The following UPF1 variants were observed in gnomAD, a reference collection of about 807,000 sequenced individuals.
UPF1 encodes the protein UPF1 RNA helicase and ATPase.
Under a neutral mutation model 129.2 loss-of-function variants are expected in UPF1, and 9 were observed. The observed-to-expected ratio is 0.07, with a 90% CI of 0.04 to 0.12. UPF1 has a LOEUF of 0.12. Among genes scored for constraint, UPF1 ranks in the 10% least tolerant of loss-of-function variants. The pLI is 1.00. For synonymous variants in UPF1, 649 were observed against 644.9 expected (o/e 1.01, Z -0.10); for missense variants, 788 against 1,525.3 (o/e 0.52, Z 8.05).
In UPF1 at chr19:18,851,996, A is replaced by G. The variant is rs1233106167; in HGVS notation, c.811-139A>G. ...TTCTCCTTGCAGGTGGGGCTGCGCC[A>G]GAACCCCTCCATGCCACCCACCGTG... is the stretch of plus-strand genomic sequence containing the variant. On this transcript the variant is annotated intron_variant, in intron 5 of 23. Transcript: ENST00000262803. The surrounding 1 kb of genome is among the most constrained non-coding windows in gnomAD (Gnocchi z 4.2). The G allele has an allele frequency of 1.6e-6, 2 of 1,281,008 alleles. No homozygotes were observed. Among genetic ancestry groups the G allele is most frequent in the Admixed American group, 6.5e-5 (2 of 30,700 alleles). The allele number at this position is 1,281,008 out of a possible 1,614,324, so 79.4% of individuals were successfully genotyped here.
Position 18,856,101 on chromosome 19 carries a change from G to A in UPF1, c.1709+12G>A, listed in dbSNP as rs746674245. ...AGGAACATGGACAGGTGTGTGTCGA[G>A]TCCATCCCTCCCAGTTGGTCCCTGA... On this transcript the variant is annotated intron_variant, in intron 12 of 23. Transcript: ENST00000262803. 1.6e-5 allele frequency: 26 copies of A among 1,611,386 alleles called. No homozygotes were observed. Among genetic ancestry groups the A allele is most frequent in the Non-Finnish European group, 2.0e-5 (24 of 1,178,024 alleles).
intron 3 of UPF1, chr19:18,848,516 G>A (rs2055623918): frequency 6.6e-6 from 1 of 152,270 alleles, no homozygotes; most frequent in African/African-American, 2.4e-5. Context: ...ATGGAGCAGA[G>A]CCTGGGAGGC....
chr19:18,857,235 C>T, intron 14 of UPF1, 85 bp from the exon 15 acceptor site: 1 of 1,514,772 alleles, frequency 6.6e-7, no homozygotes, highest in Non-Finnish European at 8.9e-7. Context: ...CCTGTGCATC[C>T]TGGGGCCCCT....
At chr19:18,857,590 G>A (rs1211114417) in intron 15 of UPF1, 57 bp downstream of exon 15, 13 of 1,498,732 alleles carry the variant, frequency 8.7e-6, no homozygotes, top group Middle Eastern at 1.8e-4. Flanking sequence ...TCAAGGGAAT[G>A]TGGACTGGGG....
Position 18,860,861 on chromosome 19 carries a change from A to G in UPF1, c.2336A>G (p.Lys779Arg). Reference sequence around the variant, plus strand: ...GCGAACGTGGAGAAGATCACCACGAAGTTGCTGAAGGCAGGCGCCAAGCCG... The same window carrying G: ...GCGAACGTGGAGAAGATCACCACGAGGTTGCTGAAGGCAGGCGCCAAGCCG... The part of the protein sequence containing the change: ...EAANVEKITT[K>R]LLKAGAKPDQ... The change falls in exon 17 of 24, where the codon AAG becomes AGG. Residue 779 changes from lysine (K) to arginine (R), a missense_variant. Around this residue, in one of 6 missense-constraint regions of UPF1, gnomAD observed 140 missense variants for 385.9 expected, o/e 0.36. Transcript: ENST00000262803. The G allele has an allele frequency of 1.2e-6, 2 of 1,612,064 alleles. No individual in the cohort carries two copies. Among genetic ancestry groups the G allele is most frequent in the Non-Finnish European group, 1.7e-6 (2 of 1,179,410 alleles).
chr19:18,846,261 T>G, intron 2 of UPF1, 142 bp downstream of exon 2: 1 of 1,290,614 alleles, frequency 7.7e-7, no homozygotes, highest in Non-Finnish European at 1.0e-6. Context: ...AGTAAGGAAA[T>G]TGCTCAGGCC....
rs181623744 is a variant in UPF1 at position 18,845,967 on chromosome 19, C to T, written c.232-13C>T. On this transcript the variant is annotated splice_polypyrimidine_tract_variant and intron_variant, in intron 1 of 23. Coordinates refer to ENST00000262803, the MANE Select transcript of UPF1 (RefSeq NM_002911.4). ...CTGCAGCCTCACTCAGGTGACACTG[C>T]GTTCTGCTGCAGGTTGGGCCCGAAG... 112 of 1,613,242 alleles carry T rather than the reference C, an allele frequency of 6.9e-5. 1 individual carries two copies. The highest frequency in any genetic ancestry group is 3.1e-4 in the African/African-American group (23 of 75,048).
chr19:18,845,591 G>GA, intron 1 of UPF1, among the ~76,000 whole-genome samples: 1 of 152,264 alleles, frequency 6.6e-6, no homozygotes, highest in Non-Finnish European at 1.5e-5. Flanking sequence ...TGTTTGATGA[G>GA]CCTTACACTG....
At position 18,865,143 on chromosome 19, in the gene UPF1, A is replaced by C; in HGVS notation, c.2858-146A>C. 7.7e-6 allele frequency: 8 copies of C among 1,045,716 alleles called. No individual in the cohort carries two copies. The highest frequency in any genetic ancestry group is 1.1e-5 in the Non-Finnish European group (8 of 735,636). The allele number at this position is 1,045,716 out of a possible 1,614,324, so 64.8% of individuals were successfully genotyped here. A position where few individuals can be genotyped will look rare whatever the true frequency, so the allele number is the denominator to read the frequency against. Reference sequence around the variant, plus strand: ...CCCCAGGCAGGCTGCTGTAGTTAACATGGAGTCCTGCGAATCCGCATCTTC... The same window carrying C: ...CCCCAGGCAGGCTGCTGTAGTTAACCTGGAGTCCTGCGAATCCGCATCTTC... On this transcript the variant is annotated intron_variant, in intron 20 of 23. Transcript: ENST00000262803. The surrounding 1 kb of genome is among the most constrained non-coding windows in gnomAD (Gnocchi z 6.1).
In UPF1 at chr19:18,865,125, C is replaced by G. The variant is rs2055827699; in HGVS notation, c.2858-164C>G. On this transcript the variant is annotated intron_variant, in intron 20 of 23. Coordinates refer to ENST00000262803, the MANE Select transcript of UPF1 (RefSeq NM_002911.4). The surrounding 1 kb of genome is among the most constrained non-coding windows in gnomAD (Gnocchi z 6.1). Reference sequence around the variant, plus strand: ...GCCTGCCCAAGCACCCAGCCCCAGGCAGGCTGCTGTAGTTAACATGGAGTC... The same window carrying G: ...GCCTGCCCAAGCACCCAGCCCCAGGGAGGCTGCTGTAGTTAACATGGAGTC... Among the ~76,000 whole-genome samples the G allele has an allele frequency of 1.3e-5, 2 of 152,242 alleles. No individual in the cohort carries two copies. Among genetic ancestry groups the G allele is most frequent in the South Asian group, 2.1e-4 (1 of 4,834 alleles).
At position 18,865,273 on chromosome 19, in the gene UPF1, C is replaced by T. The variant is rs1378324136; in HGVS notation, c.2858-16C>T. On this transcript the variant is annotated splice_polypyrimidine_tract_variant and intron_variant, in intron 20 of 23. Coordinates refer to ENST00000262803, the MANE Select transcript of UPF1 (RefSeq NM_002911.4). The surrounding 1 kb of genome is among the most constrained non-coding windows in gnomAD (Gnocchi z 6.1). ...CGAGGCAGGTGACACCTGCCGTGTT[C>T]CACTGTGATTTGCAGGCCGGCCTTC... 4.4e-6 allele frequency: 7 copies of T among 1,594,612 alleles called. No homozygotes were observed. The highest frequency in any genetic ancestry group is 6.0e-6 in the Non-Finnish European group (7 of 1,165,188).
chr19:18,843,038 C>T (rs190807855), intron 1 of UPF1, among the ~76,000 whole-genome samples: 21 of 152,254 alleles, frequency 1.4e-4, no homozygotes, highest in Non-Finnish European at 2.6e-4. Context: ...CTTGCCCAGG[C>T]TATTCTCAAA....
In UPF1 at chr19:18,852,951, G is replaced by T. The variant is rs200855069; in HGVS notation, c.973-36G>T. The T allele has an allele frequency of 5.0e-6, 8 of 1,584,186 alleles. No individual in the cohort carries two copies. The Admixed American group carries it at 8.4e-5, about 17-fold the overall frequency. On this transcript the variant is annotated intron_variant, in intron 6 of 23. Coordinates refer to ENST00000262803, the MANE Select transcript of UPF1 (RefSeq NM_002911.4). Reference sequence around the variant, plus strand: ...GGAGGCCAGGCCCGGGCCTGTGCTGGAGGCTAACCGGGGCTCTTGTTTTTC... The same window carrying T: ...GGAGGCCAGGCCCGGGCCTGTGCTGTAGGCTAACCGGGGCTCTTGTTTTTC...
Position 18,832,414 on chromosome 19 carries a change from G to A in UPF1, c.205G>A (p.Ala69Thr). The change falls in exon 1 of 24, where the codon GCT (alanine) becomes ACT (threonine). Residue 69 changes from alanine to threonine, a missense_variant. By Grantham distance (58) the Ala-to-Thr change is moderately conservative (BLOSUM62 0). Coordinates refer to ENST00000262803, the MANE Select transcript of UPF1 (RefSeq NM_002911.4). This position sits in a 1 kb window ranked among gnomAD's most constrained non-coding sequence, Gnocchi z 5.6. ...AGGCCCGGGCGGCGCGGGCGCGGGC[G>A]CTGCGGCGGGACAGCTCGACGCGCA... ...AGGPGGAGAG[A>T]AAGQLDAQVG... 3 of 998,618 alleles carry A rather than the reference G, an allele frequency of 3.0e-6. No individual in the cohort carries two copies. The highest frequency in any genetic ancestry group is 3.6e-6 in the Non-Finnish European group (3 of 839,534). 61.9% of individuals were successfully genotyped at this position (998,618 alleles called of 1,614,324 possible).
At chr19:18,860,574 A>G (rs1161877509) in intron 16 of UPF1, 136 bp downstream of exon 16, 4 of 976,192 alleles carry the variant, frequency 4.1e-6, no homozygotes, top group Non-Finnish European at 6.2e-6. Context: ...TTTAGACTCT[A>G]AACCGTGTTG....
chr19:18,856,341 C>T lies in UPF1; in HGVS notation c.1824+41C>T, dbSNP rs917209312. 3 of 1,550,466 alleles carry T rather than the reference C, an allele frequency of 1.9e-6. No individual in the cohort carries two copies. The Admixed American group carries it at 5.6e-5, about 29-fold the overall frequency. ...GCCTGCAAAAGGGCCTGTGGGCTGG[C>T]GGCCTGATGGTTTTTGTTTGGGCCA... On this transcript the variant is annotated intron_variant, in intron 13 of 23. Coordinates refer to ENST00000262803, the MANE Select transcript of UPF1 (RefSeq NM_002911.4).
intron 13 of UPF1, 63 bp from the exon 14 acceptor site, chr19:18,856,814 G>A (rs1239146479): frequency 1.3e-6 from 2 of 1,546,274 alleles, no homozygotes; most frequent in East Asian, 2.3e-5. Flanking sequence ...TGTCCCACCT[G>A]CCCTCCGGGG....
chr19:18,864,281 C>T, intron 20 of UPF1, 30 bp downstream of exon 20: 1 of 1,584,972 alleles, frequency 6.3e-7, no homozygotes, highest in Non-Finnish European at 8.7e-7. Flanking sequence ...ACCTGGCCGA[C>T]CCCTTGTCCT....
In UPF1 at chr19:18,866,097, G is replaced by A; in HGVS notation, c.3291G>A (p.Gln1097=). 1.9e-6 allele frequency: 3 copies of A among 1,613,274 alleles called. No individual in the cohort carries two copies. The highest frequency in any genetic ancestry group is 2.5e-6 in the Non-Finnish European group (3 of 1,179,840). Residue 1097 remains glutamine, a synonymous_variant, in exon 23 of 24, where the codon CAG becomes CAA. Transcript: ENST00000262803. ...CACAAATCGACGTGGCGCTCTCACAGGACTCCACGTACCAGGGAGAGCGGG... is the reference window on the plus strand; with the variant it reads ...CACAAATCGACGTGGCGCTCTCACAAGACTCCACGTACCAGGGAGAGCGGG... ...FKSQIDVALS[Q]DSTYQGERAY... is the part of the protein sequence containing the mutation.
Sources: allele counts gnomAD v4.1 joint callset (sites outside exome capture counted in the v4.1 genomes callset), GRCh38; gene constraint gnomAD v4.1.1; regional missense constraint gnomAD v4.1.1; non-coding constraint Gnocchi (gnomAD v3.1); transcripts MANE v1.5; gene names NCBI Gene and HGNC (gene_info 2026-07-23, HGNC 2026-07-21).